Variants in RPS6KA3 observed in about 807,000 individuals in gnomAD.
RPS6KA3 encodes the protein ribosomal protein S6 kinase A3.
A neutral mutation model predicts 67.2 loss-of-function variants in RPS6KA3; 4 were observed. The ratio of observed to expected loss-of-function variants is 0.06; its 90% CI spans 0.03 to 0.14. RPS6KA3 has a LOEUF of 0.14. Ranked by LOEUF, RPS6KA3 falls within the 10% of genes least tolerant of loss-of-function variation. RPS6KA3 has a pLI of 1.00. For synonymous variants in RPS6KA3, 182 were observed against 183.7 expected (o/e 0.99, Z 0.07); for missense variants, 204 against 559.0 (o/e 0.36, Z 6.40).
intron 3 of RPS6KA3, among the ~76,000 whole-genome samples, chrX:20,208,553 C>CA (rs112762101): frequency 9.1e-6 from 1 of 109,882 alleles, no homozygotes; most frequent in African/African-American, 3.3e-5. Context: ...CCCATCTCTA[C>CA]AAAAAAAACA....
At chrX:20,194,608 T>C (rs910372092) in intron 5 of RPS6KA3, among the ~76,000 whole-genome samples, 1 of 111,050 alleles carries the variant, frequency 9.0e-6, no homozygotes, top group Non-Finnish European at 1.9e-5. Flanking sequence ...AAATATGGGT[T>C]GGTTAGGTTT....
chrX:20,252,460 G>A (rs1183140307), intron 1 of RPS6KA3, among the ~76,000 whole-genome samples: 1 of 109,005 alleles, frequency 9.2e-6, no homozygotes, highest in East Asian at 2.9e-4. Flanking sequence ...GAGGTGGAGT[G>A]TGTATGTTCA....
intron 20 of RPS6KA3, among the ~76,000 whole-genome samples, chrX:20,156,487 T>C (rs1191851980): frequency 9.0e-6 from 1 of 111,346 alleles, no homozygotes; most frequent in East Asian, 2.8e-4. Flanking sequence ...TATCTTTAAG[T>C]ACTCTGGCTC....
chrX:20,232,442 G>A (rs974097481), intron 2 of RPS6KA3, among the ~76,000 whole-genome samples: 6 of 110,394 alleles, frequency 5.4e-5, no homozygotes, highest in African/African-American at 9.9e-5. Context: ...GCGTGGTGGC[G>A]CGTGCCTGTA....
intron 20 of RPS6KA3, among the ~76,000 whole-genome samples, chrX:20,160,471 G>C (rs920744279): frequency 9.0e-6 from 1 of 111,318 alleles, no homozygotes; most frequent in African/African-American, 3.3e-5. Flanking sequence ...CTGTCACCCA[G>C]GCTGGAGTGC....
rs1333394515 is a variant in RPS6KA3, at chrX:20,150,124, A to G, written c.*5274T>C. On this transcript the variant is annotated 3_prime_UTR_variant, in exon 22 of 22. Coordinates refer to ENST00000379565, the MANE Select transcript of RPS6KA3 (RefSeq NM_004586.3). ...AGTATTTAGTGATATTTGATCCTTT[A>G]CAAGCATTTTATAATTATGGCAGCA... 1 of 113,383 alleles carries G rather than the reference A, an allele frequency of 8.8e-6. No homozygotes were observed. Among genetic ancestry groups the G allele is most frequent in the Non-Finnish European group, 1.9e-5 (1 of 53,386 alleles). 9.3% of individuals were successfully genotyped at this position (113,383 alleles called of 1,213,427 possible).
chrX:20,265,391 T>C (rs2070348107), intron 1 of RPS6KA3: 1 of 112,298 alleles, frequency 8.9e-6, no homozygotes, highest in South Asian at 3.7e-4. Context: ...CTTCTCACAC[T>C]GCGGAGGCCG....
At chrX:20,175,374 T>C (rs1486747633) in intron 13 of RPS6KA3, 86 bp from the exon 14 acceptor site, 1 of 969,492 alleles carries the variant, frequency 1.0e-6, no homozygotes. Context: ...TTTTCACTTA[T>C]TCTGGAATTC....
chrX:20,200,882 T>C (rs908556059), intron 4 of RPS6KA3, among the ~76,000 whole-genome samples: 5 of 110,737 alleles, frequency 4.5e-5, no homozygotes, highest in African/African-American at 1.6e-4. Flanking sequence ...GAGGTCTCAC[T>C]ATGCTGCCCA....
intron 2 of RPS6KA3, among the ~76,000 whole-genome samples, chrX:20,219,198 G>A (rs1025931476): frequency 8.9e-6 from 1 of 111,911 alleles, no homozygotes; most frequent in Non-Finnish European, 1.9e-5. Context: ...TTAGAATCCT[G>A]AGAAATGCCA....
intron 7 of RPS6KA3, among the ~76,000 whole-genome samples, chrX:20,192,861 T>C (rs201151067): frequency 2.2e-4 from 24 of 110,906 alleles, no homozygotes; most frequent in Admixed American, 3.9e-4. Flanking sequence ...TCGGGTTACA[T>C]GTGTGAGCCA....
intron 2 of RPS6KA3, among the ~76,000 whole-genome samples, chrX:20,226,590 A>G (rs988193965): frequency 2.7e-5 from 3 of 112,455 alleles, no homozygotes; most frequent in African/African-American, 9.7e-5. Context: ...GAATCAGGTT[A>G]AATTTCATGC....
At chrX:20,166,466 G>C (rs1335074874) in intron 17 of RPS6KA3, among the ~76,000 whole-genome samples, 1 of 110,950 alleles carries the variant, frequency 9.0e-6, no homozygotes, top group Non-Finnish European at 1.9e-5. Flanking sequence ...ATTCTACTTG[G>C]CTTTCAGGGG....
intron 7 of RPS6KA3, among the ~76,000 whole-genome samples, chrX:20,190,848 A>G (rs752821892): frequency 7.5e-4 from 84 of 111,269 alleles, no homozygotes; most frequent in Non-Finnish European, 1.5e-3. Flanking sequence ...GTGTTAATAC[A>G]GAATTTAAAT....
intron 10 of RPS6KA3, among the ~76,000 whole-genome samples, chrX:20,182,136 A>T (rs1454390237): frequency 3.6e-5 from 4 of 111,794 alleles, no homozygotes. Context: ...TATTTACCAC[A>T]AACTGAATAG....
At chrX:20,220,323 T>C (rs1320760021) in intron 2 of RPS6KA3, among the ~76,000 whole-genome samples, 2 of 111,855 alleles carry the variant, frequency 1.8e-5, no homozygotes, top group Non-Finnish European at 3.8e-5. Context: ...CCCGGAAAAC[T>C]GTGCACTCCT....
chrX:20,160,361 G>T (rs953477966), intron 20 of RPS6KA3, among the ~76,000 whole-genome samples: 1 of 112,291 alleles, frequency 8.9e-6, no homozygotes, highest in Admixed American at 9.4e-5. Context: ...AGTACCCAGA[G>T]AAATGAATTA....
At chrX:20,223,764 T>A (rs191893467) in intron 2 of RPS6KA3, among the ~76,000 whole-genome samples, 1 of 112,030 alleles carries the variant, frequency 8.9e-6, no homozygotes. Flanking sequence ...CTGTAAATAT[T>A]TGGGTTGTTA....
chrX:20,231,994 A>G (rs1191875307), intron 2 of RPS6KA3, among the ~76,000 whole-genome samples: 4 of 111,884 alleles, frequency 3.6e-5, no homozygotes, highest in Non-Finnish European at 7.5e-5. Context: ...AATTTTATAC[A>G]TGATAAAAGA....
Sources: gnomAD v4.1 joint callset for allele counts (sites outside exome capture counted in the v4.1 genomes callset) on GRCh38, gnomAD v4.1.1 for gene constraint, MANE v1.5 for transcripts, NCBI Gene and HGNC (gene_info 2026-07-23, HGNC 2026-07-21) for gene names.